XPO6: variants seen among roughly 807,000 people sequenced by gnomAD.
XPO6 encodes the protein exportin-6.
In XPO6, 3 loss-of-function variants were observed where a neutral mutation model predicts 130.0. The ratio of observed to expected loss-of-function variants is 0.02; its 90% CI spans 0.01 to 0.06. The LOEUF (loss-of-function observed/expected upper bound fraction) is 0.06, where lower values mean the gene tolerates loss of function less well. Ranked by LOEUF, XPO6 falls within the 10% of genes least tolerant of loss-of-function variation. The pLI, the probability that XPO6 is intolerant of heterozygous loss-of-function variation, is 1.00. For synonymous variants in XPO6, 524 were observed against 548.9 expected (o/e 0.95, Z 0.63); for missense variants, 970 against 1,393.0 (o/e 0.70, Z 4.83).
At position 28,101,810 on chromosome 16, in the gene XPO6, CT is replaced by C. The variant is rs758191603; in HGVS notation, c.3045+36del. The C allele has an allele frequency of 5.6e-6, 9 of 1,607,572 alleles. No individual in the cohort carries two copies. Among genetic ancestry groups the C allele is most frequent in the African/African-American group, 4.0e-5 (3 of 74,822 alleles). Reference sequence around the variant, plus strand: ...GGGTGGGACACAGGCCACAATGCCCCTGATGGAAGAATATTTCCAAGAGCTG... The same window carrying C: ...GGGTGGGACACAGGCCACAATGCCCCGATGGAAGAATATTTCCAAGAGCTG... On this transcript the variant is annotated intron_variant, in intron 22 of 23. Transcript: ENST00000304658. This position sits in a 1 kb window ranked among gnomAD's most constrained non-coding sequence, Gnocchi z 5.4.
intron 5 of XPO6, among the ~76,000 whole-genome samples, chr16:28,168,070 A>T (rs924873836): frequency 6.6e-6 from 1 of 152,200 alleles, no homozygotes; most frequent in Admixed American, 6.5e-5. Flanking sequence ...TTGCACTTTA[A>T]AATGGTGAGT....
intron 1 of XPO6, among the ~76,000 whole-genome samples, chr16:28,206,660 G>C (rs898649135): frequency 6.6e-6 from 1 of 152,090 alleles, no homozygotes; most frequent in Non-Finnish European, 1.5e-5. Context: ...GGTTTTATCA[G>C]GTGATTTGAA....
In XPO6 at chr16:28,112,993, C is replaced by T; in HGVS notation, c.2062G>A (p.Val688Met). 2 of 1,614,106 alleles carry T rather than the reference C, an allele frequency of 1.2e-6. No individual in the cohort carries two copies. Among genetic ancestry groups the T allele is most frequent in the Non-Finnish European group, 1.7e-6 (2 of 1,180,022 alleles). The change falls in exon 16 of 24, where the codon GTG (valine) becomes ATG (methionine). Residue 688 changes from valine to methionine, a missense_variant. Coordinates refer to ENST00000304658, the MANE Select transcript of XPO6 (RefSeq NM_015171.4). ...ATGCTGATCAGAAAGACGGGCCGCA[C>T]GGTGGTGGCCAGTGAGACCAGTAAG... ...CHLLVSLATT[V>M]RPVFLISIPA...
At chr16:28,161,807 A>G (rs1596909081) in intron 6 of XPO6, among the ~76,000 whole-genome samples, 1 of 152,242 alleles carries the variant, frequency 6.6e-6, no homozygotes, top group East Asian at 1.9e-4. Flanking sequence ...GGTAGAAATG[A>G]AACCAAACCA....
At chr16:28,165,338 T>C (rs528055744) in intron 6 of XPO6, 5 of 152,374 alleles carry the variant, frequency 3.3e-5, no homozygotes, top group Non-Finnish European at 7.3e-5. Flanking sequence ...AATGTTTCTT[T>C]AATCTCCAGA....
At chr16:28,150,040 G>GCCACCTTTTCACCATTCTACCTCC (rs2043058304) in intron 8 of XPO6, among the ~76,000 whole-genome samples, 1 of 152,158 alleles carries the variant, frequency 6.6e-6, no homozygotes, top group Non-Finnish European at 1.5e-5. Context: ...AGTGCACCTT[G>GCCACCTTTTCACCATTCTACCTCC]CCACCTTTTC....
chr16:28,177,253 G>A lies in XPO6; in HGVS notation c.174C>T (p.Asp58=), dbSNP rs774115381. 1 of 1,611,614 alleles carries A rather than the reference G, an allele frequency of 6.2e-7. No homozygotes were observed. Among genetic ancestry groups the A allele is most frequent in the Non-Finnish European group, 8.5e-7 (1 of 1,179,332 alleles). ...CTGTTAAACTGTACATCATTACATAGTCATTCCTAGTGCTGGAGAGAAAGT... is the reference window on the plus strand; with the variant it reads ...CTGTTAAACTGTACATCATTACATAATCATTCCTAGTGCTGGAGAGAAAGT... ...CLYFLSSTRN[D]YVMMYSLTVF... is the part of the protein sequence containing the mutation. Residue 58 remains aspartate, a synonymous_variant, in exon 3 of 24, where the codon GAC becomes GAT. Coordinates refer to ENST00000304658, the MANE Select transcript of XPO6 (RefSeq NM_015171.4).
intron 15 of XPO6, among the ~76,000 whole-genome samples, chr16:28,113,457 C>G (rs2086979698): frequency 1.3e-5 from 2 of 152,202 alleles, no homozygotes; most frequent in South Asian, 4.1e-4. Flanking sequence ...TGCCTTAACA[C>G]TCAGGCCAGT....
chr16:28,154,755 C>T (rs2043156668), intron 7 of XPO6: 1 of 152,008 alleles, frequency 6.6e-6, no homozygotes, highest in South Asian at 2.1e-4. Context: ...TTGTCTGTGA[C>T]TACATTATGA....
At chr16:28,153,319 C>T (rs1441839354) in intron 7 of XPO6, 2 of 985,918 alleles carry the variant, frequency 2.0e-6, no homozygotes, top group Middle Eastern at 5.2e-4. Flanking sequence ...ACCCAATACT[C>T]TAAAAGTGAT....
At chr16:28,172,710 T>C (rs1596929861) in intron 4 of XPO6, among the ~76,000 whole-genome samples, 1 of 151,764 alleles carries the variant, frequency 6.6e-6, no homozygotes, top group Non-Finnish European at 1.5e-5. Flanking sequence ...AAAAACTGCA[T>C]AGATACCACC....
At chr16:28,194,729 A>G (rs894003278) in intron 1 of XPO6, among the ~76,000 whole-genome samples, 1 of 152,082 alleles carries the variant, frequency 6.6e-6, no homozygotes, top group East Asian at 1.9e-4. Flanking sequence ...GACTGGTCGT[A>G]CATTCTCTCT....
intron 1 of XPO6, among the ~76,000 whole-genome samples, chr16:28,201,182 C>T (rs986130220): frequency 6.6e-6 from 1 of 152,054 alleles, no homozygotes; most frequent in African/African-American, 2.4e-5. Context: ...CTCCACCCAC[C>T]GGGGGAAAAA....
At chr16:28,151,548 C>T (rs2043089805) in intron 8 of XPO6, among the ~76,000 whole-genome samples, 1 of 152,160 alleles carries the variant, frequency 6.6e-6, no homozygotes, top group Admixed American at 6.5e-5. Flanking sequence ...GGGGTTACTT[C>T]TGGGGAGAAA....
chr16:28,099,803 G>A (rs1415235723), intron 23 of XPO6, among the ~76,000 whole-genome samples: 2 of 152,208 alleles, frequency 1.3e-5, no homozygotes, highest in Non-Finnish European at 2.9e-5. Flanking sequence ...TTGAGAAGCA[G>A]CTGGCTTCAA....
At chr16:28,153,874 C>T (rs746267630) in intron 7 of XPO6, 39 of 985,202 alleles carry the variant, frequency 4.0e-5, no homozygotes, top group Non-Finnish European at 4.5e-5. Flanking sequence ...CAAAACTGGC[C>T]CGGAAATAAA....
intron 17 of XPO6, among the ~76,000 whole-genome samples, chr16:28,110,601 A>C (rs2086894256): frequency 6.6e-6 from 1 of 152,220 alleles, no homozygotes; most frequent in South Asian, 2.1e-4. Context: ...CTCCCATGTA[A>C]GATAAAGTGC....
chr16:28,101,395 A>G lies in XPO6; in HGVS notation c.3276+63T>C, dbSNP rs1435454426. On this transcript the variant is annotated intron_variant, in intron 23 of 23. Coordinates refer to ENST00000304658, the MANE Select transcript of XPO6 (RefSeq NM_015171.4). The surrounding 1 kb of genome is among the most constrained non-coding windows in gnomAD (Gnocchi z 5.4). ...CCTCAATGTGCCCCCTCCTTGCTGC[A>G]CAGGTGCCAGGCTTGCGTGCCCACT... 2 of 1,460,450 alleles carry G rather than the reference A, an allele frequency of 1.4e-6. No individual in the cohort carries two copies. The highest frequency in any genetic ancestry group is 1.9e-6 in the Non-Finnish European group (2 of 1,043,464). The allele number at this position is 1,460,450 out of a possible 1,614,324, so 90.5% of individuals were successfully genotyped here. A position where few individuals can be genotyped will look rare whatever the true frequency, so the allele number is the denominator to read the frequency against.
chr16:28,099,052 C>T (rs2141221711), intron 23 of XPO6, among the ~76,000 whole-genome samples: 1 of 152,366 alleles, frequency 6.6e-6, no homozygotes, highest in South Asian at 2.1e-4. Flanking sequence ...CAAACGCAGA[C>T]ATGGCTGTGG....
Sources: allele counts gnomAD v4.1 joint callset (sites outside exome capture counted in the v4.1 genomes callset), GRCh38; gene constraint gnomAD v4.1.1; non-coding constraint Gnocchi (gnomAD v3.1); transcripts MANE v1.5; gene names NCBI Gene and HGNC (gene_info 2026-07-23, HGNC 2026-07-21).